The following SLCO1B3 variants were observed in gnomAD, a reference collection of about 807,000 sequenced individuals.
SLCO1B3 encodes the protein liver-specific organic anion transporter 2.
Under a neutral mutation model 71.8 loss-of-function variants are expected in SLCO1B3, and 72 were observed. The observed-to-expected ratio is 1.00, with a 90% CI of 0.83 to 1.22. The LOEUF (loss-of-function observed/expected upper bound fraction) is 1.22, where lower values mean the gene tolerates loss of function less well. Ranked by LOEUF, SLCO1B3 falls within the 50% of genes most tolerant of loss-of-function variation. The probability of loss-of-function intolerance (pLI) is 0.00; values close to 1 mark genes in which losing one functional copy is unlikely to be tolerated. For missense variants in SLCO1B3, 911 were observed against 819.7 expected, an observed-to-expected ratio of 1.11 and a Z score of -1.36; for synonymous variants, 298 against 278.4, an observed-to-expected ratio of 1.07 and a Z score of -0.70.
At chr12:20,850,432 A>G (rs1865002386) in intron 3 of SLCO1B3, among the ~76,000 whole-genome samples, 1 of 151,564 alleles carries the variant, frequency 6.6e-6, no homozygotes, top group South Asian at 2.1e-4. Flanking sequence ...GGCACCCACC[A>G]CCACTCCCGG....
chr12:20,825,681 C>A (rs1275350933), intron 3 of SLCO1B3, among the ~76,000 whole-genome samples: 1 of 151,536 alleles, frequency 6.6e-6, no homozygotes, highest in Non-Finnish European at 1.5e-5. Flanking sequence ...CGCCTGTAAT[C>A]CCAGCTGCTC....
intron 3 of SLCO1B3, among the ~76,000 whole-genome samples, chr12:20,829,624 G>T (rs1249182211): frequency 6.6e-6 from 1 of 152,154 alleles, no homozygotes; most frequent in African/African-American, 2.4e-5. Flanking sequence ...CACAAGAGAG[G>T]GTTCTTGGAT....
At chr12:20,853,287 G>C (rs1448720524) in intron 3 of SLCO1B3, among the ~76,000 whole-genome samples, 1 of 151,838 alleles carries the variant, frequency 6.6e-6, no homozygotes, top group Non-Finnish European at 1.5e-5. Flanking sequence ...GTGAATTTTG[G>C]AGTTTCTTTC....
intron 3 of SLCO1B3, among the ~76,000 whole-genome samples, chr12:20,853,373 T>A (rs1327806726): frequency 1.3e-5 from 2 of 152,054 alleles, no homozygotes; most frequent in African/African-American, 2.4e-5. Flanking sequence ...TGGTTTTATC[T>A]TTTTTGGAAG....
At chr12:20,858,327 T>C in intron 4 of SLCO1B3, 112 bp from the exon 5 acceptor site, 1 of 721,356 alleles carries the variant, frequency 1.4e-6, no homozygotes, top group Non-Finnish European at 2.3e-6. Flanking sequence ...TTACATGGTC[T>C]TTGAGGGAAG....
Position 20,848,300 on chromosome 12 carries a change from T to C in SLCO1B3, c.85-6728T>C, listed in dbSNP as rs575778189. ...ACAATGAGCTTTCATTACATACTTA[T>C]TAGAGTGAGTAACATTCCAAACACA... On this transcript the variant is annotated intron_variant, in intron 3 of 15. Coordinates refer to ENST00000381545, the MANE Select transcript of SLCO1B3 (RefSeq NM_019844.4). 2.0e-5 allele frequency among the ~76,000 whole-genome samples: 3 copies of C among 152,294 alleles called. No homozygotes were observed. The East Asian group carries it at 5.8e-4, about 29-fold the overall frequency.
At chr12:20,845,602 C>T (rs1461246194) in intron 3 of SLCO1B3, among the ~76,000 whole-genome samples, 1 of 140,238 alleles carries the variant, frequency 7.1e-6, no homozygotes, top group Non-Finnish European at 1.6e-5. Flanking sequence ...TTGGAGGTGC[C>T]TGAATATGAA....
intron 15 of SLCO1B3, among the ~76,000 whole-genome samples, chr12:20,906,028 C>A (rs1178759288): frequency 6.6e-6 from 1 of 152,158 alleles, no homozygotes; most frequent in Admixed American, 6.5e-5. Flanking sequence ...TCTAAACCAT[C>A]AGATCTGGTG....
chr12:20,880,756 C>T, intron 11 of SLCO1B3, 99 bp from the exon 12 acceptor site: 1 of 659,002 alleles, frequency 1.5e-6, no homozygotes, highest in Non-Finnish European at 2.4e-6. Flanking sequence ...TCTTCCTCCT[C>T]CTCTATTTCC....
chr12:20,916,137 G>T lies in SLCO1B3; in HGVS notation c.1999G>T (p.Asp667Tyr), dbSNP rs1376710129. The T allele has an allele frequency of 6.2e-7, 1 of 1,613,468 alleles. No individual in the cohort carries two copies. The change falls in exon 16 of 16, where the codon GAT becomes TAT. Residue 667 changes from aspartate to tyrosine, a missense_variant. Asp to Tyr is a radical substitution (Grantham distance 160). Transcript: ENST00000381545. ...KASDNERKVM[D>Y]EANLEFLNNG... ...ATCGGACAATGAAAGAAAAGTAATG[G>T]ATGAAGCAAACTTAGAATTCTTAAA...
intron 8 of SLCO1B3, among the ~76,000 whole-genome samples, chr12:20,865,467 A>G (rs566424208): frequency 6.6e-6 from 1 of 152,124 alleles, no homozygotes; most frequent in South Asian, 2.1e-4. Context: ...CCGTGTGTGT[A>G]CGCTTTCTTA....
At chr12:20,861,357 AC>A (rs1865262298) in intron 6 of SLCO1B3, among the ~76,000 whole-genome samples, 1 of 152,138 alleles carries the variant, frequency 6.6e-6, no homozygotes, top group South Asian at 2.1e-4. Context: ...CTTTTGTCCA[AC>A]CAAACAGAAG....
At chr12:20,855,207 A>G (rs528572408) in intron 4 of SLCO1B3, 38 bp downstream of exon 4, 16 of 1,551,120 alleles carry the variant, frequency 1.0e-5, no homozygotes, top group Non-Finnish European at 1.3e-5. Context: ...CCATACTTGC[A>G]TAAGTTGAAA....
At chr12:20,838,372 A>AC (rs1864728178) in intron 3 of SLCO1B3, among the ~76,000 whole-genome samples, 1 of 152,048 alleles carries the variant, frequency 6.6e-6, no homozygotes, top group Non-Finnish European at 1.5e-5. Flanking sequence ...CATGCACACA[A>AC]CATGTAGTTG....
chr12:20,838,729 T>C (rs1474511226), intron 3 of SLCO1B3, among the ~76,000 whole-genome samples: 1 of 152,034 alleles, frequency 6.6e-6, no homozygotes, highest in East Asian at 1.9e-4. Context: ...TATGGTGTTA[T>C]AATCTAATGG....
intron 8 of SLCO1B3, among the ~76,000 whole-genome samples, chr12:20,867,707 G>A (rs747828007): frequency 7.2e-5 from 11 of 152,180 alleles, no homozygotes; most frequent in Admixed American, 2.6e-4. Context: ...TGAAATGAAA[G>A]CAAACAGTGG....
chr12:20,863,116 G>A (rs1865303243), intron 8 of SLCO1B3, among the ~76,000 whole-genome samples: 1 of 152,164 alleles, frequency 6.6e-6, no homozygotes, highest in African/African-American at 2.4e-5. Flanking sequence ...AACTTGAAAT[G>A]TCCCTTTCCC....
chr12:20,875,628 T>G, intron 9 of SLCO1B3, 151 bp downstream of exon 9: 1 of 823,704 alleles, frequency 1.2e-6, no homozygotes. Context: ...AAACTCCTAT[T>G]AAAATTAACA....
intron 3 of SLCO1B3, chr12:20,845,401 C>A: frequency 5.2e-6 from 1 of 192,788 alleles, no homozygotes. Flanking sequence ...GACTCTCATC[C>A]CAAGACCTAC....
Sources: allele counts gnomAD v4.1 joint callset (sites outside exome capture counted in the v4.1 genomes callset), GRCh38; gene constraint gnomAD v4.1.1; transcripts MANE v1.5; gene names NCBI Gene and HGNC (gene_info 2026-07-23, HGNC 2026-07-21).